Variants in PLEKHG1 observed in about 807,000 individuals in gnomAD.
PLEKHG1 encodes pleckstrin homology and RhoGEF domain containing G1.
PLEKHG1 carries 44 observed loss-of-function variants against 100.8 expected under a neutral mutation model. That is an observed-to-expected ratio of 0.44 (90% CI 0.34 to 0.56). The LOEUF (loss-of-function observed/expected upper bound fraction) is 0.56, where lower values mean the gene tolerates loss of function less well. Among genes scored for constraint, PLEKHG1 ranks in the 20% least tolerant of loss-of-function variants. The pLI is 0.01. For missense variants in PLEKHG1, 1,545 were observed against 1,720.9 expected (o/e 0.90, Z 1.81); for synonymous variants, 640 against 662.5 (o/e 0.97, Z 0.52).
intron 3 of PLEKHG1, among the ~76,000 whole-genome samples, chr6:150,682,966 C>G (rs768229252): frequency 6.6e-6 from 1 of 152,160 alleles, no homozygotes; most frequent in African/African-American, 2.4e-5. Context: ...TCCTCCCTGA[C>G]GTTATAGTAG....
chr6:150,678,081 T>TATATAG (rs1779821065), intron 3 of PLEKHG1, among the ~76,000 whole-genome samples: 1 of 138,676 alleles, frequency 7.2e-6, no homozygotes, highest in Non-Finnish European at 1.6e-5. Flanking sequence ...TATATATATA[T>TATATAG]ATATATATAT....
intron 3 of PLEKHG1, among the ~76,000 whole-genome samples, chr6:150,666,078 CAAA>C (rs1457836629): frequency 6.6e-6 from 1 of 152,160 alleles, no homozygotes; most frequent in Non-Finnish European, 1.5e-5. Context: ...TGTTAAAAAA[CAAA>C]AGCATAGCAA....
At chr6:150,750,114 A>T (rs1258167810) in intron 2 of PLEKHG1, among the ~76,000 whole-genome samples, 1 of 152,134 alleles carries the variant, frequency 6.6e-6, no homozygotes, top group Admixed American at 6.5e-5. Flanking sequence ...TTTTTACTTC[A>T]AAAGGAGGAA....
At chr6:150,628,706 A>G (rs112664443) in intron 1 of PLEKHG1, among the ~76,000 whole-genome samples, 1,982 of 152,286 alleles carry the variant, frequency 0.013, 44 homozygotes, top group African/African-American at 0.043. Context: ...CGTACTATTA[A>G]TGATGTTATA....
intron 3 of PLEKHG1, among the ~76,000 whole-genome samples, chr6:150,686,371 G>A (rs1201043352): frequency 6.6e-6 from 1 of 152,148 alleles, no homozygotes; most frequent in Non-Finnish European, 1.5e-5. Flanking sequence ...TGTTTATGTA[G>A]AAGATGGTTC....
At chr6:150,642,022 A>C (rs1778291376) in intron 2 of PLEKHG1, among the ~76,000 whole-genome samples, 1 of 152,038 alleles carries the variant, frequency 6.6e-6, no homozygotes, top group South Asian at 2.1e-4. Context: ...TGGGTAAAAA[A>C]AAACTGTGCT....
chr6:150,759,733 G>A (rs904699924), intron 2 of PLEKHG1, among the ~76,000 whole-genome samples: 4 of 152,166 alleles, frequency 2.6e-5, no homozygotes, highest in African/African-American at 9.7e-5. Flanking sequence ...TGCCGGGTGT[G>A]GTAGCTTATG....
At chr6:150,843,331 G>A (rs986460494) in exon 16 of PLEKHG1, 1 of 151,944 alleles carries the variant, frequency 6.6e-6, no homozygotes, top group Non-Finnish European at 1.5e-5. Context: ...TGTTGGCCAG[G>A]ACACAGATTT....
rs1562448338 is a variant in PLEKHG1, at chr6:150,703,611, A to AC, written c.-98-29973_-98-29972insC. Among the ~76,000 whole-genome samples the AC allele has an allele frequency of 2.6e-4, 39 of 149,268 alleles. 2 individuals are homozygous for AC. The South Asian group carries it at 7.9e-3, about 30-fold the overall frequency. Reference sequence around the variant, plus strand: ...GCAAGACTCCATCTTAAAAAAAAAAAAAACAAAACAACTTTTTTCTACTTG... The same window carrying AC: ...GCAAGACTCCATCTTAAAAAAAAAAACAAACAAAACAACTTTTTTCTACTTG... On this transcript the variant is annotated intron_variant, in intron 3 of 3. Coordinates refer to the PLEKHG1 transcript ENST00000367326.
intron 2 of PLEKHG1, among the ~76,000 whole-genome samples, chr6:150,746,116 AC>A (rs1783148236): frequency 6.6e-6 from 1 of 152,002 alleles, no homozygotes; most frequent in African/African-American, 2.4e-5. Flanking sequence ...TTCCAAATGC[AC>A]TCAGGGGAGA....
chr6:150,788,323 C>T (rs1474610268), intron 4 of PLEKHG1, among the ~76,000 whole-genome samples: 7 of 152,334 alleles, frequency 4.6e-5, no homozygotes, highest in Middle Eastern at 3.4e-3. Flanking sequence ...TGAAACACAA[C>T]CAGCTGTTCA....
intron 2 of PLEKHG1, among the ~76,000 whole-genome samples, chr6:150,740,896 A>G (rs1280072925): frequency 6.6e-6 from 1 of 152,302 alleles, no homozygotes; most frequent in African/African-American, 2.4e-5. Context: ...CATTTTACAT[A>G]ATCTCTCAAA....
chr6:150,755,644 G>C (rs1320185518), intron 2 of PLEKHG1, among the ~76,000 whole-genome samples: 2 of 152,096 alleles, frequency 1.3e-5, no homozygotes, highest in African/African-American at 4.8e-5. Flanking sequence ...TATTCTTTCT[G>C]CTTCACGCTG....
intron 4 of PLEKHG1, among the ~76,000 whole-genome samples, chr6:150,791,644 T>G (rs1287756500): frequency 6.8e-6 from 1 of 146,254 alleles, no homozygotes. Context: ...TATTCCAGCC[T>G]GGGTGGCAGA....
At chr6:150,735,701 A>G (rs752219538) in intron 2 of PLEKHG1, among the ~76,000 whole-genome samples, 3 of 152,254 alleles carry the variant, frequency 2.0e-5, no homozygotes, top group African/African-American at 2.4e-5. Flanking sequence ...AAAATTTTAC[A>G]GCCTCTCAGG....
At position 150,683,984 on chromosome 6, in the gene PLEKHG1, C is replaced by T. The variant is rs1780022912; in HGVS notation, c.-99+33198C>T. 2.6e-6 allele frequency: 1 copy of T among 385,426 alleles called. No homozygotes were observed. Among genetic ancestry groups the T allele is most frequent in the South Asian group, 2.1e-5 (1 of 47,804 alleles). The allele number at this position is 385,426 out of a possible 1,614,324, so 23.9% of individuals were successfully genotyped here. A position where few individuals can be genotyped will look rare whatever the true frequency, so the allele number is the denominator to read the frequency against. On this transcript the variant is annotated intron_variant, in intron 3 of 3. Coordinates refer to the PLEKHG1 transcript ENST00000367326. This position sits in a 1 kb window ranked among gnomAD's most constrained non-coding sequence, Gnocchi z 4.0. ...TGGAAGGATAAAAGTATCAGGCAGC[C>T]TCCTCGGGCGGAGACCGCAGGTAGA...
chr6:150,692,271 A>T (rs1039292668), intron 3 of PLEKHG1, among the ~76,000 whole-genome samples: 7 of 152,242 alleles, frequency 4.6e-5, no homozygotes, highest in African/African-American at 1.7e-4. Flanking sequence ...ATAATGCTTT[A>T]AAATAATTTA....
chr6:150,780,373 C>T (rs1046222720), intron 3 of PLEKHG1, among the ~76,000 whole-genome samples: 6 of 152,100 alleles, frequency 3.9e-5, no homozygotes, highest in Admixed American at 2.0e-4. Context: ...GTCGGCCTCC[C>T]AAAGTGTTGG....
intron 3 of PLEKHG1, among the ~76,000 whole-genome samples, chr6:150,781,272 A>G (rs1785296605): frequency 6.6e-6 from 1 of 151,210 alleles, no homozygotes. Flanking sequence ...TGGGAGGCCA[A>G]GGCAGGTGGA....
Sources: allele counts gnomAD v4.1 joint callset (sites outside exome capture counted in the v4.1 genomes callset), GRCh38; gene constraint gnomAD v4.1.1; non-coding constraint Gnocchi (gnomAD v3.1); transcripts MANE v1.5; gene names NCBI Gene and HGNC (gene_info 2026-07-23, HGNC 2026-07-21).